Variants in SPAG16 observed in about 807,000 individuals in gnomAD.
The protein encoded by SPAG16 is sperm-associated antigen 16 protein.
A neutral mutation model predicts 80.4 loss-of-function variants in SPAG16; 86 were observed. The observed-to-expected ratio is 1.07, with a 90% CI of 0.90 to 1.28. SPAG16 has a LOEUF of 1.28. Among genes scored for constraint, SPAG16 ranks in the 50% most tolerant of loss-of-function variants. The pLI, the probability that SPAG16 is intolerant of heterozygous loss-of-function variation, is 0.00. For missense variants in SPAG16, 870 were observed against 765.3 expected (o/e 1.14, Z -1.61); for synonymous variants, 294 against 265.9 (o/e 1.11, Z -1.03).
At chr2:213,295,633 A>G (rs2062468111) in intron 1 of SPAG16, among the ~76,000 whole-genome samples, 1 of 152,120 alleles carries the variant, frequency 6.6e-6, no homozygotes, top group South Asian at 2.1e-4. Flanking sequence ...GTCACATTTT[A>G]TTCATGTACT....
intron 10 of SPAG16, among the ~76,000 whole-genome samples, chr2:213,501,587 T>C (rs1363438080): frequency 1.3e-5 from 2 of 152,228 alleles, no homozygotes; most frequent in Non-Finnish European, 2.9e-5. Flanking sequence ...CTGCTCTGTG[T>C]ATTTAAACAG....
At chr2:214,129,699 T>G (rs980161291) in intron 14 of SPAG16, among the ~76,000 whole-genome samples, 11 of 152,142 alleles carry the variant, frequency 7.2e-5, no homozygotes, top group Non-Finnish European at 1.3e-4. Flanking sequence ...ACAAATCCCT[T>G]AATTTCTCAA....
chr2:214,108,968 G>A (rs1317296793), intron 14 of SPAG16, among the ~76,000 whole-genome samples: 2 of 152,146 alleles, frequency 1.3e-5, no homozygotes, highest in South Asian at 4.1e-4. Context: ...GTGTTTGGAG[G>A]TGGAGCCTTA....
At chr2:213,873,320 A>G (rs2076022432) in intron 11 of SPAG16, among the ~76,000 whole-genome samples, 2 of 151,870 alleles carry the variant, frequency 1.3e-5, no homozygotes, top group Admixed American at 1.3e-4. Flanking sequence ...TTCCCTTATA[A>G]ATCCTTTATA....
intron 10 of SPAG16, among the ~76,000 whole-genome samples, chr2:213,650,588 T>A (rs1221480170): frequency 1.3e-5 from 2 of 152,230 alleles, no homozygotes; most frequent in African/African-American, 4.8e-5. Flanking sequence ...TATTTGTGTG[T>A]GTGTTCATAT....
intron 10 of SPAG16, among the ~76,000 whole-genome samples, chr2:213,528,294 A>G (rs887423949): frequency 2.0e-5 from 3 of 152,152 alleles, no homozygotes; most frequent in African/African-American, 7.2e-5. Context: ...TAGAAAAAGT[A>G]GTCTTTGGCA....
chr2:213,885,604 A>G (rs1405441738), intron 11 of SPAG16, among the ~76,000 whole-genome samples: 1 of 152,204 alleles, frequency 6.6e-6, no homozygotes, highest in African/African-American at 2.4e-5. Flanking sequence ...CATATTTAAC[A>G]TTCCATCTTA....
At chr2:214,345,420 T>G (rs1398875447) in intron 15 of SPAG16, among the ~76,000 whole-genome samples, 1 of 152,178 alleles carries the variant, frequency 6.6e-6, no homozygotes, top group Admixed American at 6.5e-5. Flanking sequence ...CTTTGTCTCC[T>G]TCCCCACTGT....
chr2:213,289,356 T>C (rs1166402359), intron 1 of SPAG16, among the ~76,000 whole-genome samples: 1 of 152,224 alleles, frequency 6.6e-6, no homozygotes, highest in African/African-American at 2.4e-5. Flanking sequence ...ACAAAAGTTA[T>C]TTTCCAGTTA....
chr2:214,195,649 T>C (rs1559121148), intron 15 of SPAG16, among the ~76,000 whole-genome samples: 1 of 151,966 alleles, frequency 6.6e-6, no homozygotes, highest in African/African-American at 2.4e-5. Flanking sequence ...CTTGATCCAG[T>C]GACTAAATAG....
intron 15 of SPAG16, among the ~76,000 whole-genome samples, chr2:214,254,823 G>A (rs909102080): frequency 1.3e-5 from 2 of 151,894 alleles, no homozygotes; most frequent in African/African-American, 2.4e-5. Flanking sequence ...ATTTTGAGAG[G>A]TATTTTTAAA....
intron 15 of SPAG16, among the ~76,000 whole-genome samples, chr2:214,233,968 A>G (rs758828293): frequency 2.6e-5 from 4 of 152,050 alleles, no homozygotes; most frequent in African/African-American, 4.8e-5. Context: ...TGCTACACAG[A>G]TCATCCCATC....
chr2:214,337,762 A>C (rs1477200329), intron 15 of SPAG16, among the ~76,000 whole-genome samples: 4 of 152,180 alleles, frequency 2.6e-5, no homozygotes, highest in Non-Finnish European at 5.9e-5. Context: ...CATAGTGGGA[A>C]TATTTATACT....
intron 13 of SPAG16, among the ~76,000 whole-genome samples, chr2:214,066,265 A>G (rs1020505512): frequency 6.6e-6 from 1 of 152,118 alleles, no homozygotes. Flanking sequence ...AATTGCAATC[A>G]TAAAGACCAA....
intron 15 of SPAG16, among the ~76,000 whole-genome samples, chr2:214,179,377 G>GT (rs2057236812): frequency 1.3e-5 from 2 of 151,236 alleles, no homozygotes; most frequent in Admixed American, 1.3e-4. Flanking sequence ...AAACCCCAGC[G>GT]TATATACTGC....
chr2:213,980,477 A>G lies in SPAG16; in HGVS notation c.1401-33474A>G, dbSNP rs3076793. ...ATATATATATAGAATATATGTGTGT[A>G]TATATATAATATATATAGAATATAT... is the stretch of plus-strand genomic sequence containing the variant. On this transcript the variant is annotated intron_variant, in intron 12 of 15. Coordinates refer to ENST00000331683, the MANE Select transcript of SPAG16 (RefSeq NM_024532.5). Among the ~76,000 whole-genome samples the G allele has an allele frequency of 2.0e-4, 14 of 71,164 alleles. 2 individuals carry two copies. Among genetic ancestry groups the G allele is most frequent in the Non-Finnish European group, 3.2e-4 (10 of 31,726 alleles). 46.7% of individuals were successfully genotyped at this position (71,164 alleles called of 152,430 possible).
At chr2:214,351,239 T>C (rs1576851587) in intron 15 of SPAG16, among the ~76,000 whole-genome samples, 1 of 152,330 alleles carries the variant, frequency 6.6e-6, no homozygotes, top group South Asian at 2.1e-4. Flanking sequence ...GGTTAGTATC[T>C]GCATATGTGT....
intron 15 of SPAG16, among the ~76,000 whole-genome samples, chr2:214,319,425 A>C (rs1695944352): frequency 6.6e-6 from 1 of 152,032 alleles, no homozygotes; most frequent in South Asian, 2.1e-4. Flanking sequence ...GCAGAAGAGA[A>C]GAGACTAGGG....
intron 6 of SPAG16, among the ~76,000 whole-genome samples, chr2:213,347,243 A>G (rs2125017593): frequency 1.3e-5 from 2 of 152,098 alleles, no homozygotes; most frequent in Non-Finnish European, 2.9e-5. Flanking sequence ...CCCCTTTATC[A>G]TTTTTTATTG....
Sources: allele counts gnomAD v4.1 joint callset (sites outside exome capture counted in the v4.1 genomes callset), GRCh38; gene constraint gnomAD v4.1.1; transcripts MANE v1.5; gene names NCBI Gene and HGNC (gene_info 2026-07-23, HGNC 2026-07-21).